Variants in USP25 observed in about 807,000 individuals in gnomAD.
The protein encoded by USP25 is ubiquitin carboxyl-terminal hydrolase 25.
Under a neutral mutation model 158.5 loss-of-function variants are expected in USP25, and 85 were observed. The ratio of observed to expected loss-of-function variants is 0.54; its 90% CI spans 0.45 to 0.64. The LOEUF (loss-of-function observed/expected upper bound fraction) is 0.64. Ranked by LOEUF, USP25 falls within the 30% of genes least tolerant of loss-of-function variation. The probability of loss-of-function intolerance (pLI) is 0.00; values close to 1 mark genes in which losing one functional copy is unlikely to be tolerated. For synonymous variants in USP25, 464 were observed against 460.4 expected (o/e 1.01, Z -0.10); for missense variants, 1,242 against 1,327.3 (o/e 0.94, Z 1.00).
intron 1 of USP25, among the ~76,000 whole-genome samples, chr21:15,756,483 A>T (rs925635625): frequency 4.6e-5 from 7 of 152,104 alleles, no homozygotes; most frequent in African/African-American, 1.7e-4. Flanking sequence ...TGGGCCAGTG[A>T]TCCCTTTTTT....
intron 1 of USP25, among the ~76,000 whole-genome samples, chr21:15,733,151 T>A (rs1413081068): frequency 6.6e-5 from 1 of 15,084 alleles, no homozygotes; most frequent in Non-Finnish European, 1.2e-4. Context: ...CCCCCCCCAA[T>A]CTATCTAACC....
intron 1 of USP25, among the ~76,000 whole-genome samples, chr21:15,736,656 T>C (rs2031550181): frequency 6.6e-6 from 1 of 151,648 alleles, no homozygotes; most frequent in Non-Finnish European, 1.5e-5. Context: ...AAAACATTAA[T>C]AGCTTTTTTC....
At chr21:15,779,625 C>T (rs1020725886) in intron 4 of USP25, among the ~76,000 whole-genome samples, 8 of 151,644 alleles carry the variant, frequency 5.3e-5, no homozygotes, top group African/African-American at 1.9e-4. Context: ...GAAGGCTGTT[C>T]CTAATTTGAT....
At chr21:15,743,079 C>T (rs76379603) in intron 1 of USP25, among the ~76,000 whole-genome samples, 1,566 of 152,320 alleles carry the variant, frequency 0.01, 11 homozygotes, top group Middle Eastern at 0.017. Context: ...TTGTTCCTGC[C>T]GCTCACAGCT....
At chr21:15,790,555 A>C (rs1162198125) in intron 4 of USP25, among the ~76,000 whole-genome samples, 3 of 151,978 alleles carry the variant, frequency 2.0e-5, no homozygotes, top group Non-Finnish European at 2.9e-5. Flanking sequence ...AAGTTGAAAA[A>C]AACTAATCTT....
At chr21:15,772,232 G>A (rs1600861077) in intron 3 of USP25, among the ~76,000 whole-genome samples, 1 of 152,194 alleles carries the variant, frequency 6.6e-6, no homozygotes, top group Non-Finnish European at 1.5e-5. Flanking sequence ...ATGTTTGGTA[G>A]TTGGTGTATA....
intron 1 of USP25, among the ~76,000 whole-genome samples, chr21:15,735,964 C>CTGTG (rs530159084): frequency 0.03 from 4,394 of 144,808 alleles, 134 homozygotes; most frequent in African/African-American, 0.082. Flanking sequence ...TGTCCTAAAT[C>CTGTG]TGTGTGTGTG....
intron 1 of USP25, among the ~76,000 whole-genome samples, chr21:15,736,022 ATATG>A (rs1221898704): frequency 6.6e-6 from 1 of 151,094 alleles, no homozygotes; most frequent in Non-Finnish European, 1.5e-5. Flanking sequence ...ACATATATAT[ATATG>A]TATGTAGACA....
chr21:15,764,194 T>G (rs983220239), intron 2 of USP25, among the ~76,000 whole-genome samples: 11 of 152,134 alleles, frequency 7.2e-5, no homozygotes, highest in African/African-American at 2.7e-4. Flanking sequence ...TAGTCCCTTT[T>G]TATTCTGATA....
intron 4 of USP25, among the ~76,000 whole-genome samples, chr21:15,788,499 G>C (rs913164011): frequency 1.3e-5 from 2 of 152,070 alleles, no homozygotes; most frequent in African/African-American, 4.8e-5. Context: ...TAGAGGTAAA[G>C]CAAATTCTTG....
rs745830290 is a variant in USP25, at chr21:15,826,401, C to T, written c.1466+36C>T. 2 of 1,607,068 alleles carry T rather than the reference C, an allele frequency of 1.2e-6. No homozygotes were observed. The highest frequency in any genetic ancestry group is 8.5e-7 in the Non-Finnish European group (1 of 1,175,582). ...ATCCTGATGCAAGAGACAGTTGTTA[C>T]CTTTATTACACAATAATGTAACTGC... On this transcript the variant is annotated intron_variant, in intron 13 of 25. Coordinates refer to ENST00000400183, the MANE Select transcript of USP25 (RefSeq NM_001283041.3). This position sits in a 1 kb window ranked among gnomAD's most constrained non-coding sequence, Gnocchi z 4.8.
intron 20 of USP25, among the ~76,000 whole-genome samples, chr21:15,860,511 A>C (rs1046103601): frequency 2.6e-5 from 4 of 152,108 alleles, no homozygotes; most frequent in African/African-American, 7.2e-5. Flanking sequence ...TTCCCATATT[A>C]GTATAGTTTT....
intron 1 of USP25, among the ~76,000 whole-genome samples, chr21:15,731,673 TGTTA>T (rs2030921565): frequency 6.6e-6 from 1 of 152,234 alleles, no homozygotes; most frequent in Non-Finnish European, 1.5e-5. Flanking sequence ...GAGACTTGTA[TGTTA>T]GTTGATATTA....
At chr21:15,745,531 A>G (rs2123263328) in intron 1 of USP25, among the ~76,000 whole-genome samples, 1 of 136,668 alleles carries the variant, frequency 7.3e-6, no homozygotes, top group South Asian at 2.2e-4. Flanking sequence ...GCTGGAGTGC[A>G]ATGGCATGAT....
At chr21:15,732,989 C>A (rs2031084942) in intron 1 of USP25, among the ~76,000 whole-genome samples, 1 of 152,072 alleles carries the variant, frequency 6.6e-6, no homozygotes, top group East Asian at 1.9e-4. Flanking sequence ...CAGTTGGCAG[C>A]AGATGAGTTA....
At chr21:15,800,146 T>C (rs1290693837) in intron 6 of USP25, among the ~76,000 whole-genome samples, 1 of 151,370 alleles carries the variant, frequency 6.6e-6, no homozygotes, top group African/African-American at 2.4e-5. Flanking sequence ...AGGTCTTTCC[T>C]CAGTTGTCTC....
chr21:15,732,149 A>G (rs528327527), intron 1 of USP25, among the ~76,000 whole-genome samples: 1 of 152,314 alleles, frequency 6.6e-6, no homozygotes, highest in South Asian at 2.1e-4. Context: ...CCAATTTCCT[A>G]CTTTAATGAA....
intron 20 of USP25, among the ~76,000 whole-genome samples, chr21:15,855,944 C>T (rs2039115403): frequency 6.6e-6 from 1 of 152,212 alleles, no homozygotes; most frequent in Admixed American, 6.5e-5. Context: ...ACTGCTTTTA[C>T]TCAACAGTGT....
chr21:15,792,712 A>C (rs1239585733), intron 5 of USP25, among the ~76,000 whole-genome samples: 1 of 151,356 alleles, frequency 6.6e-6, no homozygotes, highest in Non-Finnish European at 1.5e-5. Context: ...CAGTGCTAAA[A>C]TTTTCACCGT....
Sources: allele counts gnomAD v4.1 joint callset (sites outside exome capture counted in the v4.1 genomes callset), GRCh38; gene constraint gnomAD v4.1.1; non-coding constraint Gnocchi (gnomAD v3.1); transcripts MANE v1.5; gene names NCBI Gene and HGNC (gene_info 2026-07-23, HGNC 2026-07-21).